ERCC6L: variants seen among roughly 807,000 people sequenced by gnomAD.
The protein encoded by ERCC6L is ERCC excision repair 6 like, spindle assembly checkpoint helicase.
A neutral mutation model predicts 20.1 loss-of-function variants in ERCC6L; 7 were observed. The ratio of observed to expected loss-of-function variants is 0.35; its 90% CI spans 0.20 to 0.65. The LOEUF (loss-of-function observed/expected upper bound fraction) is 0.65. Ranked by LOEUF, ERCC6L falls within the 30% of genes least tolerant of loss-of-function variation. The pLI is 0.69. For missense variants in ERCC6L, 592 were observed against 892.4 expected (o/e 0.66, Z 4.29); for synonymous variants, 278 against 331.3 (o/e 0.84, Z 1.75).
At chrX:72,222,701 G>A (rs1296575895) in intron 1 of ERCC6L, among the ~76,000 whole-genome samples, 2 of 106,805 alleles carry the variant, frequency 1.9e-5, no homozygotes, top group Non-Finnish European at 3.9e-5. Context: ...AGGTTCAAGC[G>A]ATTCTCCTGC....
chrX:72,207,221 G>A lies in ERCC6L; in HGVS notation c.1546C>T (p.Arg516Ter). Residue 516 changes from arginine (R) to a stop codon, truncating the protein, a stop_gained, in exon 2 of 2, where the codon CGA becomes TGA. Transcript: ENST00000334463. LOFTEE classifies it low-confidence loss of function (END_TRUNC). ...IDGTVTHLLE[R>*]EKRINLFQQN... is the part of the protein sequence containing the mutation. ...TGGAATAAGTTAATTCTTTTTTCTC[G>A]TTCCAAAAGATGAGTAACTGTCCCA... The A allele has an allele frequency of 8.3e-7, 1 of 1,209,490 alleles. No homozygotes were observed. Among genetic ancestry groups the A allele is most frequent in the Middle Eastern group, 2.3e-4 (1 of 4,353 alleles).
At chrX:72,222,601 T>C (rs930479052) in intron 1 of ERCC6L, among the ~76,000 whole-genome samples, 2 of 105,968 alleles carry the variant, frequency 1.9e-5, no homozygotes, top group Non-Finnish European at 2.0e-5. Flanking sequence ...CAGCCTTTTT[T>C]TTTTTTTTTT....
intron 1 of ERCC6L, among the ~76,000 whole-genome samples, chrX:72,237,530 G>A (rs943587728): frequency 4.6e-5 from 5 of 109,469 alleles, no homozygotes; most frequent in African/African-American, 1.0e-4. Context: ...CCCGGAAGGC[G>A]GAGCTTGCTG....
At chrX:72,237,598 A>G (rs1279283751) in intron 1 of ERCC6L, among the ~76,000 whole-genome samples, 1 of 85,023 alleles carries the variant, frequency 1.2e-5, no homozygotes, top group African/African-American at 4.9e-5. Flanking sequence ...ACTGTATCAA[A>G]AAAAGAAAAA....
chrX:72,220,785 C>T lies in ERCC6L; in HGVS notation c.69-12087G>A, dbSNP rs149885849. On this transcript the variant is annotated intron_variant, in intron 1 of 1. Coordinates refer to ENST00000334463, the MANE Select transcript of ERCC6L (RefSeq NM_017669.4). ...AGTCTGTAAGAGAAAGCACTCCTGA[C>T]CAAAATTGGCCAGAAACCCCTCTCA... Among the ~76,000 whole-genome samples, 401 of 111,973 alleles carry T rather than the reference C, an allele frequency of 3.6e-3. 2 individuals carry two copies. The highest frequency in any genetic ancestry group is 0.013 in the African/African-American group (386 of 30,849).
At chrX:72,209,630 T>C (rs1479619388) in intron 1 of ERCC6L, among the ~76,000 whole-genome samples, 1 of 111,388 alleles carries the variant, frequency 9.0e-6, no homozygotes, top group Non-Finnish European at 1.9e-5. Context: ...TCTACTACCA[T>C]TACTGTGGCC....
rs202000886 is a variant in ERCC6L at position 72,238,943 on chromosome X, GGGAGTTT to G, written c.-39_-33del. The G allele has an allele frequency of 8.9e-7, 1 of 1,124,328 alleles. No homozygotes were observed. 92.7% of individuals were successfully genotyped at this position (1,124,328 alleles called of 1,213,427 possible). ...CGGATTGGGTTCCAGTTACCCCGGC[GGGAGTTT>G]GGAGCTTGGAGCTTGGAGCTTGGAG... On this transcript the variant is annotated 5_prime_UTR_variant, in exon 1 of 2. Coordinates refer to ENST00000334463, the MANE Select transcript of ERCC6L (RefSeq NM_017669.4).
chrX:72,238,953 A>C lies in ERCC6L; in HGVS notation c.-42T>G, dbSNP rs774646554. 1 of 958,220 alleles carries C rather than the reference A, an allele frequency of 1.0e-6. No homozygotes were observed. Among genetic ancestry groups the C allele is most frequent in the African/African-American group, 2.0e-5 (1 of 50,838 alleles). The allele number at this position is 958,220 out of a possible 1,213,427, so 79.0% of individuals were successfully genotyped here. A position where few individuals can be genotyped will look rare whatever the true frequency, so the allele number is the denominator to read the frequency against. On this transcript the variant is annotated 5_prime_UTR_variant, in exon 1 of 2. Transcript: ENST00000334463. ...TCCAGTTACCCCGGCGGGAGTTTGGAGCTTGGAGCTTGGAGCTTGGAGCTT... is the reference window on the plus strand; with the variant it reads ...TCCAGTTACCCCGGCGGGAGTTTGGCGCTTGGAGCTTGGAGCTTGGAGCTT...
chrX:72,236,163 G>A (rs1472519340), intron 1 of ERCC6L, among the ~76,000 whole-genome samples: 1 of 111,976 alleles, frequency 8.9e-6, no homozygotes, highest in Non-Finnish European at 1.9e-5. Flanking sequence ...GTAATAAAAA[G>A]TCTGATTCTG....
intron 1 of ERCC6L, among the ~76,000 whole-genome samples, chrX:72,219,847 CAA>C (rs55860938): frequency 2.0e-4 from 13 of 64,972 alleles, no homozygotes; most frequent in Admixed American, 1.8e-4. Flanking sequence ...GACTCCGTCT[CAA>C]AAAAAAAAAA....
At chrX:72,230,281 T>G (rs12844439) in intron 1 of ERCC6L, among the ~76,000 whole-genome samples, 1 of 110,749 alleles carries the variant, frequency 9.0e-6, no homozygotes, top group Non-Finnish European at 1.9e-5. Flanking sequence ...AGAGACATGC[T>G]AGCCCCAAGA....
At chrX:72,226,146 C>T (rs374722006) in intron 1 of ERCC6L, among the ~76,000 whole-genome samples, 26 of 111,878 alleles carry the variant, frequency 2.3e-4, no homozygotes, top group Non-Finnish European at 4.9e-4. Flanking sequence ...TCCTGCCACT[C>T]TTTTGCCTTC....
At chrX:72,235,667 A>G (rs1259644086) in intron 1 of ERCC6L, among the ~76,000 whole-genome samples, 1 of 111,851 alleles carries the variant, frequency 8.9e-6, no homozygotes, top group Non-Finnish European at 1.9e-5. Context: ...TGCTGGGATT[A>G]CAGGCGTGAG....
intron 1 of ERCC6L, among the ~76,000 whole-genome samples, chrX:72,215,552 T>C (rs1388691350): frequency 1.8e-5 from 2 of 111,744 alleles, no homozygotes; most frequent in East Asian, 2.8e-4. Flanking sequence ...AAAGTGAGTA[T>C]AGTAAAATGT....
At chrX:72,217,735 A>C (rs1030385038) in intron 1 of ERCC6L, among the ~76,000 whole-genome samples, 2 of 111,540 alleles carry the variant, frequency 1.8e-5, no homozygotes, top group African/African-American at 6.5e-5. Context: ...ATAAAAAAAA[A>C]CACAAAAAGA....
rs775218566 is a variant in ERCC6L, at chrX:72,205,048, G to A, written c.3719C>T (p.Thr1240Ile). ...ATTAAGTTGCTTATACAAACTTAAAGTCAAGAGCATAACTTCAGGATCTGC... is the reference window on the plus strand; with the variant it reads ...ATTAAGTTGCTTATACAAACTTAAAATCAAGAGCATAACTTCAGGATCTGC... ...KSADPEVMLL[T>I]LSLYKQLNNN Residue 1240 changes from threonine to isoleucine, a missense_variant, in exon 2 of 2, where the codon ACT becomes ATT. Physicochemically the swap from Thr to Ile is moderately conservative, Grantham distance 89. Transcript: ENST00000334463. The A allele has an allele frequency of 2.5e-6, 3 of 1,206,193 alleles. No homozygotes were observed. Among genetic ancestry groups the A allele is most frequent in the Non-Finnish European group, 3.4e-6 (3 of 893,119 alleles).
intron 1 of ERCC6L, among the ~76,000 whole-genome samples, chrX:72,210,727 C>A (rs1289644818): frequency 9.0e-6 from 1 of 111,631 alleles, no homozygotes; most frequent in Non-Finnish European, 1.9e-5. Context: ...ATACTTATTG[C>A]TGTGCTCTAC....
At position 72,223,180 on chromosome X, in the gene ERCC6L, C is replaced by CA. The variant is rs1163330497; in HGVS notation, c.69-14483dup. On this transcript the variant is annotated intron_variant, in intron 1 of 1. Transcript: ENST00000334463. ...TGAAACCCCGTCTCTACTAAAAATA[C>CA]AAAAAAAAAATTAGCCGGGCATGGT... Among the ~76,000 whole-genome samples the CA allele has an allele frequency of 3.5e-3, 329 of 94,602 alleles. 2 individuals are homozygous for CA. Among genetic ancestry groups the CA allele is most frequent in the African/African-American group, 0.012 (309 of 26,355 alleles). The allele number at this position is 94,602 out of a possible 115,157, so 82.2% of individuals were successfully genotyped here.
At chrX:72,229,765 T>G (rs947249946) in intron 1 of ERCC6L, among the ~76,000 whole-genome samples, 2 of 111,691 alleles carry the variant, frequency 1.8e-5, no homozygotes, top group African/African-American at 6.5e-5. Flanking sequence ...GTCATTCCCT[T>G]AATAGCCACC....
Sources: gnomAD v4.1 joint callset for allele counts (sites outside exome capture counted in the v4.1 genomes callset) on GRCh38, gnomAD v4.1.1 for gene constraint, MANE v1.5 for transcripts, NCBI Gene and HGNC (gene_info 2026-07-23, HGNC 2026-07-21) for gene names.